SNX1: variants seen among roughly 807,000 people sequenced by gnomAD.
SNX1 encodes the protein sorting nexin 1.
In SNX1, 36 loss-of-function variants were observed where a neutral mutation model predicts 71.8. The ratio of observed to expected loss-of-function variants is 0.50; its 90% CI spans 0.38 to 0.66. SNX1 has a LOEUF of 0.66. SNX1 is among the 30% of genes least tolerant of loss of function. SNX1 has a pLI of 0.00. For missense variants in SNX1, 612 were observed against 646.7 expected (o/e 0.95, Z 0.58); for synonymous variants, 254 against 240.7 (o/e 1.06, Z -0.51).
At chr15:64,118,301 C>A in intron 3 of SNX1, 57 bp downstream of exon 3, 1 of 1,538,790 alleles carries the variant, frequency 6.5e-7, no homozygotes, top group Non-Finnish European at 8.8e-7. Flanking sequence ...TGTGTACGGC[C>A]AGTCTGAAGT....
intron 2 of SNX1, chr15:64,115,466 T>C: frequency 3.1e-6 from 1 of 324,930 alleles, no homozygotes; most frequent in Non-Finnish European, 6.0e-6. Flanking sequence ...TTTCCAGTAC[T>C]CTTAACAGGA....
At position 64,138,041 on chromosome 15, in the gene SNX1, G is replaced by A. The variant is rs2081378470; in HGVS notation, c.*423G>A. On this transcript the variant is annotated 3_prime_UTR_variant, in exon 15 of 15. Coordinates refer to ENST00000559844, the MANE Select transcript of SNX1 (RefSeq NM_003099.5). ...TCAGAATGTTGGTGGTTTTTGCTTAGGCTGGGGAGCAGTTGGGAATCAGGT... is the reference window on the plus strand; with the variant it reads ...TCAGAATGTTGGTGGTTTTTGCTTAAGCTGGGGAGCAGTTGGGAATCAGGT... 6.6e-7 allele frequency: 1 copy of A among 1,522,380 alleles called. No homozygotes were observed. Among genetic ancestry groups the A allele is most frequent in the African/African-American group, 1.4e-5 (1 of 72,284 alleles). The allele number at this position is 1,522,380 out of a possible 1,614,324, so 94.3% of individuals were successfully genotyped here. A position where few individuals can be genotyped will look rare whatever the true frequency, so the allele number is the denominator to read the frequency against.
chr15:64,118,084 G>T (rs754358453), intron 2 of SNX1, 33 bp from the exon 3 acceptor site: 3 of 1,607,112 alleles, frequency 1.9e-6, no homozygotes, highest in South Asian at 2.2e-5. Flanking sequence ...ACTCATTACT[G>T]ACCTTCATTT....
chr15:64,125,516 G>C (rs532783697), intron 5 of SNX1, among the ~76,000 whole-genome samples: 7 of 150,856 alleles, frequency 4.6e-5, no homozygotes, highest in South Asian at 2.1e-4. Flanking sequence ...ATGGTAGCGT[G>C]TGCCTGTATT....
intron 2 of SNX1, among the ~76,000 whole-genome samples, chr15:64,113,079 T>C (rs1362650772): frequency 6.6e-6 from 1 of 152,218 alleles, no homozygotes; most frequent in Non-Finnish European, 1.5e-5. Flanking sequence ...TGCATACTGG[T>C]ACAAAACAGA....
intron 10 of SNX1, 116 bp from the exon 11 acceptor site, chr15:64,131,571 T>G (rs976564099): frequency 3.3e-6 from 3 of 910,622 alleles, no homozygotes; most frequent in Non-Finnish European, 5.1e-6. Context: ...TGCAGAGCCC[T>G]CAGTTCCCAG....
At chr15:64,120,920 G>C (rs933174262) in intron 4 of SNX1, among the ~76,000 whole-genome samples, 1 of 152,124 alleles carries the variant, frequency 6.6e-6, no homozygotes, top group African/African-American at 2.4e-5. Flanking sequence ...GGATGTTTTT[G>C]AGCGTCTTAC....
chr15:64,127,630 C>A, intron 7 of SNX1, 101 bp from the exon 8 acceptor site: 2 of 829,960 alleles, frequency 2.4e-6, no homozygotes, highest in South Asian at 3.1e-5. Context: ...ACTTTAAGTA[C>A]AAAAAGTACA....
chr15:64,097,581 A>G (rs1032173936), intron 1 of SNX1, among the ~76,000 whole-genome samples: 8 of 152,282 alleles, frequency 5.3e-5, no homozygotes, highest in Non-Finnish European at 1.0e-4. Context: ...CTCAGTAATA[A>G]ATATCCGGGT....
At position 64,129,881 on chromosome 15, in the gene SNX1, G is replaced by C; in HGVS notation, c.808-35G>C. 8.8e-6 allele frequency: 13 copies of C among 1,474,884 alleles called. No homozygotes were observed. The highest frequency in any genetic ancestry group is 1.2e-5 in the Non-Finnish European group (13 of 1,053,784). The allele number at this position is 1,474,884 out of a possible 1,614,324, so 91.4% of individuals were successfully genotyped here. A position where few individuals can be genotyped will look rare whatever the true frequency, so the allele number is the denominator to read the frequency against. On this transcript the variant is annotated intron_variant, in intron 8 of 14. Coordinates refer to ENST00000559844, the MANE Select transcript of SNX1 (RefSeq NM_003099.5). This position sits in a 1 kb window ranked among gnomAD's most constrained non-coding sequence, Gnocchi z 4.4. ...TTCTGAACCTAAAATAGGGGCAGCA[G>C]ATAACTTGCCATCCCTGCCTTCTTG...
Position 64,137,819 on chromosome 15 carries a change from A to G in SNX1, c.*201A>G, listed in dbSNP as rs9664. 12,096 of 1,420,650 alleles carry G rather than the reference A, an allele frequency of 8.5e-3. 62 individuals are homozygous for G. Among genetic ancestry groups the G allele is most frequent in the Admixed American group, 0.011 (367 of 34,288 alleles). 88.0% of individuals were successfully genotyped at this position (1,420,650 alleles called of 1,614,324 possible). A position where few individuals can be genotyped will look rare whatever the true frequency, so the allele number is the denominator to read the frequency against. ...TATATATTTTCTTACCTAAGAGAAT[A>G]GTTTCCTGCTTTAAGCAAAAGACCT... On this transcript the variant is annotated 3_prime_UTR_variant, in exon 15 of 15. Transcript: ENST00000559844.
At position 64,127,154 on chromosome 15, in the gene SNX1, C is replaced by T. The variant is rs1198971616; in HGVS notation, c.653-20C>T. 2 of 1,565,120 alleles carry T rather than the reference C, an allele frequency of 1.3e-6. No homozygotes were observed. Among genetic ancestry groups the T allele is most frequent in the African/African-American group, 1.4e-5 (1 of 73,546 alleles). On this transcript the variant is annotated intron_variant, in intron 6 of 14. Transcript: ENST00000559844. Reference sequence around the variant, plus strand: ...TTCATGATGATTTATGGTTATTTTGCTTTTTAAATTCCATTCTAGGGATGA... The same window carrying T: ...TTCATGATGATTTATGGTTATTTTGTTTTTTAAATTCCATTCTAGGGATGA...
chr15:64,131,829 C>T lies in SNX1; in HGVS notation c.1158C>T (p.Asn386=). Residue 386 remains asparagine, a synonymous_variant, in exon 11 of 15, where the codon AAC becomes AAT. Transcript: ENST00000559844. The part of the protein sequence containing the change: ...KIEQLHQEQA[N]NDFFLLAELL... ...AGCAGCTCCACCAGGAACAGGCCAA[C>T]AATGACTTCTTCCTCCTTGCTGAGC... is the stretch of plus-strand genomic sequence containing the variant. 3.1e-6 allele frequency: 5 copies of T among 1,614,234 alleles called. No homozygotes were observed. Among genetic ancestry groups the T allele is most frequent in the Non-Finnish European group, 4.2e-6 (5 of 1,180,046 alleles).
At chr15:64,136,173 T>TA (rs1158787454) in intron 12 of SNX1, among the ~76,000 whole-genome samples, 157 bp from the exon 13 acceptor site, 4 of 152,178 alleles carry the variant, frequency 2.6e-5, no homozygotes, top group Non-Finnish European at 5.9e-5. Flanking sequence ...GACTCTGACT[T>TA]ACGTGTGGAA....
At position 64,141,056 on chromosome 15, in the gene SNX1, T is replaced by G. The variant is rs528300692; in HGVS notation, c.*3438T>G. The G allele has an allele frequency of 6.7e-6, 1 of 149,584 alleles. No individual in the cohort carries two copies. Among genetic ancestry groups the G allele is most frequent in the Non-Finnish European group, 1.5e-5 (1 of 67,140 alleles). The allele number at this position is 149,584 out of a possible 1,614,324, so 9.3% of individuals were successfully genotyped here. ...GATATAGATAGATAGATAGATTGAT[T>G]GATTTGTAGAAACAAGATAGGTTAG... On this transcript the variant is annotated 3_prime_UTR_variant, in exon 15 of 15. Coordinates refer to ENST00000559844, the MANE Select transcript of SNX1 (RefSeq NM_003099.5). The surrounding 1 kb of genome is among the most constrained non-coding windows in gnomAD (Gnocchi z 5.1).
Position 64,137,976 on chromosome 15 carries a change from A to C in SNX1, c.*358A>C. On this transcript the variant is annotated 3_prime_UTR_variant, in exon 15 of 15. Transcript: ENST00000559844. ...TGTTACTCCTGATGGTGCCATGAAA[A>C]GGTTATGTAATAAAATATTTTAAAA... 6.9e-7 allele frequency: 1 copy of C among 1,445,566 alleles called. No homozygotes were observed. Among genetic ancestry groups the C allele is most frequent in the Admixed American group, 2.9e-5 (1 of 34,852 alleles). 89.5% of individuals were successfully genotyped at this position (1,445,566 alleles called of 1,614,324 possible).
chr15:64,140,599 T>C lies in SNX1; in HGVS notation c.*2981T>C, dbSNP rs2081402858. 1 of 152,218 alleles carries C rather than the reference T, an allele frequency of 6.6e-6. No homozygotes were observed. The highest frequency in any genetic ancestry group is 1.5e-5 in the Non-Finnish European group (1 of 68,036). The allele number at this position is 152,218 out of a possible 1,614,324, so 9.4% of individuals were successfully genotyped here. A position where few individuals can be genotyped will look rare whatever the true frequency, so the allele number is the denominator to read the frequency against. The stretch of plus-strand genomic sequence containing the variant: ...TTTGATTTGATTATTATTACTATTT[T>C]TGAGACAGAGTCTCGCTCTTGTCGC... On this transcript the variant is annotated 3_prime_UTR_variant, in exon 15 of 15. Coordinates refer to ENST00000559844, the MANE Select transcript of SNX1 (RefSeq NM_003099.5).
At position 64,136,162 on chromosome 15, in the gene SNX1, G is replaced by A. The variant is rs77199022; in HGVS notation, c.1366-168G>A. Among the ~76,000 whole-genome samples the A allele has an allele frequency of 1.1e-4, 16 of 152,210 alleles. 1 individual carries two copies. The East Asian group carries it at 1.9e-3, about 18-fold the overall frequency. ...TCAGCCCCTAAAGTAGCCTTCTGCC[G>A]GACTCTGACTTACGTGTGGAATCCT... On this transcript the variant is annotated intron_variant, in intron 12 of 14. Coordinates refer to ENST00000559844, the MANE Select transcript of SNX1 (RefSeq NM_003099.5).
chr15:64,105,798 A>T (rs895228916), intron 1 of SNX1, among the ~76,000 whole-genome samples: 2 of 152,144 alleles, frequency 1.3e-5, no homozygotes, highest in African/African-American at 4.8e-5. Context: ...ATTTTCCTTA[A>T]CTAGCTCAGT....
Sources: gnomAD v4.1 joint callset for allele counts (sites outside exome capture counted in the v4.1 genomes callset) on GRCh38, gnomAD v4.1.1 for gene constraint, Gnocchi (gnomAD v3.1) non-coding constraint, MANE v1.5 for transcripts, NCBI Gene and HGNC (gene_info 2026-07-23, HGNC 2026-07-21) for gene names.